MAGI2: variants seen among roughly 807,000 people sequenced by gnomAD.
The protein encoded by MAGI2 is membrane-associated guanylate kinase, WW and PDZ domain-containing protein 2.
In MAGI2, 35 loss-of-function variants were observed where a neutral mutation model predicts 133.3. The observed-to-expected ratio is 0.26, with a 90% CI of 0.20 to 0.35. The LOEUF is 0.35. Ranked by LOEUF, MAGI2 falls within the 10% of genes least tolerant of loss-of-function variation. The pLI is 1.00. For synonymous variants in MAGI2, 729 were observed against 710.6 expected, an observed-to-expected ratio of 1.03 and a Z score of -0.41; for missense variants, 1,636 against 1,863.4, an observed-to-expected ratio of 0.88 and a Z score of 2.25.
intron 3 of MAGI2, among the ~76,000 whole-genome samples, chr7:78,606,834 TTTCTTTATG>T (rs1204997982): frequency 1.1e-3 from 25 of 22,868 alleles, no homozygotes; most frequent in Non-Finnish European, 7.7e-4. Flanking sequence ...CTCCCACAAT[TTTCTTTATG>T]TTTTCTGCTT....
At chr7:78,624,767 TA>T (rs1808153053) in intron 3 of MAGI2, among the ~76,000 whole-genome samples, 9 of 152,052 alleles carry the variant, frequency 5.9e-5, no homozygotes, top group Admixed American at 5.9e-4. Flanking sequence ...CTACGTAACT[TA>T]AAAGTCGAAG....
intron 2 of MAGI2, among the ~76,000 whole-genome samples, chr7:78,758,940 G>A (rs76035883): frequency 0.081 from 12,337 of 152,044 alleles, 716 homozygotes; most frequent in East Asian, 0.24. Context: ...TTGTTTACAC[G>A]TCTATCTCCC....
chr7:78,668,126 C>A (rs910996732), intron 2 of MAGI2, among the ~76,000 whole-genome samples: 2 of 152,148 alleles, frequency 1.3e-5, no homozygotes, highest in African/African-American at 4.8e-5. Flanking sequence ...TTTTGATTTG[C>A]ATTTCTTTGA....
At chr7:78,217,198 G>A (rs1299589324) in intron 10 of MAGI2, among the ~76,000 whole-genome samples, 1 of 152,080 alleles carries the variant, frequency 6.6e-6, no homozygotes. Flanking sequence ...TTTGAGGGTG[G>A]GAACACAATT....
chr7:78,471,780 C>T (rs77536901), intron 6 of MAGI2, among the ~76,000 whole-genome samples: 1 of 151,836 alleles, frequency 6.6e-6, no homozygotes, highest in Non-Finnish European at 1.5e-5. Context: ...CAAAAATTAG[C>T]CAGGTATGGT....
intron 1 of MAGI2, among the ~76,000 whole-genome samples, chr7:79,308,089 A>G (rs565199975): frequency 6.6e-6 from 1 of 152,306 alleles, no homozygotes; most frequent in African/African-American, 2.4e-5. Flanking sequence ...GATACACTTC[A>G]GGATGGCATG....
chr7:78,124,241 CCTT>C (rs1820744121), intron 20 of MAGI2, among the ~76,000 whole-genome samples: 1 of 152,188 alleles, frequency 6.6e-6, no homozygotes, highest in Admixed American at 6.5e-5. Flanking sequence ...AAGAAAGTGT[CCTT>C]CTGGCTTATA....
intron 2 of MAGI2, among the ~76,000 whole-genome samples, chr7:78,740,092 T>C (rs10231051): frequency 0.6 from 90,056 of 150,612 alleles, 26,965 homozygotes; most frequent in East Asian, 0.62. Context: ...ACCCGGGAGG[T>C]GGAGCTTGCA....
intron 6 of MAGI2, among the ~76,000 whole-genome samples, chr7:78,456,048 T>C (rs1027501126): frequency 6.6e-6 from 1 of 152,046 alleles, no homozygotes; most frequent in Non-Finnish European, 1.5e-5. Context: ...AGTCAACTTG[T>C]TTCAGTTGCT....
At chr7:78,897,722 A>C (rs1463938437) in intron 2 of MAGI2, among the ~76,000 whole-genome samples, 1 of 152,228 alleles carries the variant, frequency 6.6e-6, no homozygotes, top group Non-Finnish European at 1.5e-5. Context: ...TGTTTTGTGC[A>C]GTATGGCTAT....
chr7:78,922,340 C>T lies in MAGI2; in HGVS notation c.418+84750G>A, dbSNP rs529335939. On this transcript the variant is annotated intron_variant, in intron 2 of 21. Coordinates refer to ENST00000354212, the MANE Select transcript of MAGI2 (RefSeq NM_012301.4). ...TATTTCTCCTAATGCTATCCCTCCCCCCTGCCCCCACCCCACAACAGTCCC... is the reference window on the plus strand; with the variant it reads ...TATTTCTCCTAATGCTATCCCTCCCTCCTGCCCCCACCCCACAACAGTCCC... 2.3e-4 allele frequency among the ~76,000 whole-genome samples: 35 copies of T among 151,922 alleles called. No individual in the cohort carries two copies. The East Asian group carries it at 6.2e-3, about 27-fold the overall frequency.
intron 2 of MAGI2, among the ~76,000 whole-genome samples, chr7:78,973,327 C>T (rs548644547): frequency 6.6e-6 from 1 of 151,886 alleles, no homozygotes; most frequent in South Asian, 2.1e-4. Context: ...TTGGGTGTTG[C>T]TCCTTCTGTA....
intron 2 of MAGI2, among the ~76,000 whole-genome samples, chr7:78,753,849 C>T (rs1823688431): frequency 6.6e-6 from 1 of 152,036 alleles, no homozygotes; most frequent in African/African-American, 2.4e-5. Flanking sequence ...TGGCTAAATT[C>T]TCCTCAGAGA....
At chr7:79,032,622 G>A (rs1810712349) in intron 1 of MAGI2, among the ~76,000 whole-genome samples, 1 of 151,572 alleles carries the variant, frequency 6.6e-6, no homozygotes, top group Non-Finnish European at 1.5e-5. Context: ...ATTATGAAAT[G>A]TTAATTTTTA....
chr7:78,476,689 C>A (rs950337587), intron 6 of MAGI2, among the ~76,000 whole-genome samples: 1 of 151,930 alleles, frequency 6.6e-6, no homozygotes, highest in African/African-American at 2.4e-5. Context: ...GGAGTTCCCA[C>A]AAAGAGCACA....
At chr7:78,823,533 G>A (rs1293125315) in intron 2 of MAGI2, among the ~76,000 whole-genome samples, 2 of 141,906 alleles carry the variant, frequency 1.4e-5, no homozygotes, top group Non-Finnish European at 1.5e-5. Flanking sequence ...CAGTGAGCCC[G>A]GATCGCGCCA....
At chr7:78,547,647 G>A (rs1399629555) in intron 3 of MAGI2, among the ~76,000 whole-genome samples, 1 of 152,086 alleles carries the variant, frequency 6.6e-6, no homozygotes, top group East Asian at 1.9e-4. Context: ...CTATCACAAG[G>A]CACGCGCGCA....
intron 1 of MAGI2, among the ~76,000 whole-genome samples, chr7:79,074,347 C>T (rs1281195408): frequency 1.3e-5 from 2 of 152,082 alleles, no homozygotes; most frequent in Non-Finnish European, 2.9e-5. Flanking sequence ...ATTGAACCCA[C>T]AGTGAATTAA....
chr7:79,103,562 C>G (rs1029689711), intron 1 of MAGI2, among the ~76,000 whole-genome samples: 2 of 152,070 alleles, frequency 1.3e-5, no homozygotes, highest in African/African-American at 4.8e-5. Flanking sequence ...ATTTTAAGAA[C>G]AGGCAAACTT....
Sources: gnomAD v4.1 joint callset for allele counts (sites outside exome capture counted in the v4.1 genomes callset) on GRCh38, gnomAD v4.1.1 for gene constraint, MANE v1.5 for transcripts, NCBI Gene and HGNC (gene_info 2026-07-23, HGNC 2026-07-21) for gene names.